The following SPOCK3 variants were observed in gnomAD, a reference collection of about 807,000 sequenced individuals.
SPOCK3 encodes testican-3.
A neutral mutation model predicts 56.6 loss-of-function variants in SPOCK3; 30 were observed. The ratio of observed to expected loss-of-function variants is 0.53; its 90% confidence interval spans 0.40 to 0.72. The LOEUF is 0.72. Ranked by LOEUF, SPOCK3 falls within the 30% of genes least tolerant of loss-of-function variation. The pLI, the probability that SPOCK3 is intolerant of heterozygous loss-of-function variation, is 0.00. For missense variants in SPOCK3, 527 were observed against 530.0 expected (o/e 0.99, Z 0.06); for synonymous variants, 196 against 183.3 (o/e 1.07, Z -0.56).
intron 2 of SPOCK3, among the ~76,000 whole-genome samples, chr4:167,144,677 G>T (rs1330786446): frequency 1.3e-5 from 2 of 149,956 alleles, no homozygotes; most frequent in African/African-American, 2.5e-5. Context: ...AACAGGACAG[G>T]TCCCACTGAA....
chr4:167,041,694 G>A (rs1753248059), intron 3 of SPOCK3, among the ~76,000 whole-genome samples: 1 of 152,084 alleles, frequency 6.6e-6, no homozygotes, highest in African/African-American at 2.4e-5. Context: ...CTATTATACT[G>A]TAGGATGACT....
At chr4:167,178,120 A>T (rs1368935922) in intron 2 of SPOCK3, among the ~76,000 whole-genome samples, 5 of 152,150 alleles carry the variant, frequency 3.3e-5, no homozygotes, top group Non-Finnish European at 7.4e-5. Flanking sequence ...CAGCAGCTGT[A>T]GTGACAAACA....
intron 3 of SPOCK3, among the ~76,000 whole-genome samples, chr4:167,033,528 A>G (rs1430487688): frequency 2.0e-5 from 3 of 151,800 alleles, no homozygotes; most frequent in African/African-American, 7.3e-5. Flanking sequence ...TAGGAAAGTG[A>G]AGGTTAAATT....
chr4:166,810,204 A>T (rs984361327), intron 6 of SPOCK3, among the ~76,000 whole-genome samples: 7 of 152,230 alleles, frequency 4.6e-5, no homozygotes, highest in African/African-American at 1.7e-4. Context: ...CCCTTTGTTC[A>T]ACATCATGTG....
At position 167,075,397 on chromosome 4, in the gene SPOCK3, G is replaced by T. The variant is rs114201056; in HGVS notation, c.190-12860C>A. On this transcript the variant is annotated intron_variant, in intron 2 of 10. Coordinates refer to ENST00000357545, the MANE Select transcript of SPOCK3 (RefSeq NM_001040159.2). ...TCGGGTTACAGAGCAGCACCAATCT[G>T]TGGACCATTCTTTGAGCCACACTGA... Among the ~76,000 whole-genome samples the T allele has an allele frequency of 5.7e-3, 863 of 151,968 alleles. 8 individuals are homozygous for T. Among genetic ancestry groups the T allele is most frequent in the African/African-American group, 0.02 (821 of 41,504 alleles).
intron 7 of SPOCK3, among the ~76,000 whole-genome samples, chr4:166,778,357 G>A (rs552401524): frequency 5.3e-5 from 8 of 152,066 alleles, no homozygotes; most frequent in African/African-American, 1.9e-4. Context: ...GCATAGCTGC[G>A]AGGAACATAA....
rs56284627 is a variant in SPOCK3, at chr4:167,065,037, C to CAAAAAAAAAAAAAA, written c.190-2514_190-2501dup. Among the ~76,000 whole-genome samples the CAAAAAAAAAAAAAA allele has an allele frequency of 1.7e-4, 11 of 64,048 alleles. 1 individual carries two copies. Among genetic ancestry groups the CAAAAAAAAAAAAAA allele is most frequent in the African/African-American group, 7.1e-4 (9 of 12,664 alleles). The allele number at this position is 64,048 out of a possible 152,430, so 42.0% of individuals were successfully genotyped here. On this transcript the variant is annotated intron_variant, in intron 2 of 10. Coordinates refer to ENST00000357545, the MANE Select transcript of SPOCK3 (RefSeq NM_001040159.2). ...CTATTTTCAAATCCAATGCCCTCTC[C>CAAAAAAAAAAAAAA]AAAAAAAAAAAAAAAAAAAAAAAGT...
intron 4 of SPOCK3, among the ~76,000 whole-genome samples, chr4:166,982,912 C>G (rs935948729): frequency 2.0e-5 from 3 of 152,082 alleles, no homozygotes; most frequent in East Asian, 1.9e-4. Context: ...GCATAAGGGG[C>G]AATATTTGTG....
At chr4:166,998,557 G>T (rs1346375) in intron 4 of SPOCK3, among the ~76,000 whole-genome samples, 151,981 of 152,188 alleles carry the variant, frequency 1, 75,887 homozygotes, top group Non-Finnish European at 1. Context: ...TAGTCTTGAG[G>T]CAGTTACTTT....
At chr4:167,037,035 A>C (rs910349154) in intron 3 of SPOCK3, among the ~76,000 whole-genome samples, 1 of 152,162 alleles carries the variant, frequency 6.6e-6, no homozygotes, top group Non-Finnish European at 1.5e-5. Flanking sequence ...TTACACTTTT[A>C]AATTGTGCAT....
intron 2 of SPOCK3, among the ~76,000 whole-genome samples, chr4:167,113,206 T>C (rs1415209926): frequency 1.3e-5 from 2 of 152,188 alleles, no homozygotes; most frequent in Non-Finnish European, 2.9e-5. Flanking sequence ...CACTGCATTT[T>C]AATTACTGAC....
At chr4:167,101,339 G>A (rs942642789) in intron 2 of SPOCK3, among the ~76,000 whole-genome samples, 3 of 151,728 alleles carry the variant, frequency 2.0e-5, no homozygotes, top group Non-Finnish European at 2.9e-5. Flanking sequence ...TTTTAGACTC[G>A]TTAGTCTCCC....
intron 2 of SPOCK3, among the ~76,000 whole-genome samples, chr4:167,126,004 A>G (rs1206638268): frequency 6.6e-6 from 1 of 152,184 alleles, no homozygotes; most frequent in Non-Finnish European, 1.5e-5. Flanking sequence ...ATTTTTACTC[A>G]TATCCTATTG....
chr4:166,886,560 C>T (rs1049016177), intron 6 of SPOCK3, among the ~76,000 whole-genome samples: 6 of 151,988 alleles, frequency 3.9e-5, no homozygotes, highest in Non-Finnish European at 8.8e-5. Flanking sequence ...TAGAGAAAAA[C>T]TTTATTTATT....
At chr4:166,952,909 C>T (rs1742860431) in intron 4 of SPOCK3, among the ~76,000 whole-genome samples, 1 of 151,240 alleles carries the variant, frequency 6.6e-6, no homozygotes, top group South Asian at 2.1e-4. Flanking sequence ...GGATCCCTTC[C>T]TTACACCTTA....
At chr4:166,799,967 G>A (rs564275865) in intron 6 of SPOCK3, among the ~76,000 whole-genome samples, 1 of 151,950 alleles carries the variant, frequency 6.6e-6, no homozygotes, top group Non-Finnish European at 1.5e-5. Flanking sequence ...GGATCACAAG[G>A]TCAGGAGATT....
At chr4:166,909,262 C>A (rs974065539) in intron 5 of SPOCK3, among the ~76,000 whole-genome samples, 5 of 151,924 alleles carry the variant, frequency 3.3e-5, no homozygotes, top group Admixed American at 3.3e-4. Context: ...AATAATTATT[C>A]AAAATTGGTC....
intron 3 of SPOCK3, among the ~76,000 whole-genome samples, chr4:167,030,401 A>C (rs770880208): frequency 6.6e-6 from 1 of 152,004 alleles, no homozygotes; most frequent in Non-Finnish European, 1.5e-5. Flanking sequence ...ATTTCTTAGC[A>C]ATTGATTTAG....
chr4:167,081,138 A>C (rs1757669140), intron 2 of SPOCK3, among the ~76,000 whole-genome samples: 1 of 151,990 alleles, frequency 6.6e-6, no homozygotes, highest in African/African-American at 2.4e-5. Context: ...AGCATGGCAT[A>C]GCAGAAAATC....
Sources: gnomAD v4.1 joint callset for allele counts (sites outside exome capture counted in the v4.1 genomes callset) on GRCh38, gnomAD v4.1.1 for gene constraint, MANE v1.5 for transcripts, NCBI Gene and HGNC (gene_info 2026-07-23, HGNC 2026-07-21) for gene names.